CDK14: variants seen among roughly 807,000 people sequenced by gnomAD.
The protein encoded by CDK14 is cyclin dependent kinase 14.
In CDK14, 34 loss-of-function variants were observed where a neutral mutation model predicts 60.7. The ratio of observed to expected loss-of-function variants is 0.56; its 90% CI spans 0.43 to 0.75. The LOEUF is 0.75. Ranked by LOEUF, CDK14 falls within the 30% of genes least tolerant of loss-of-function variation. The pLI is 0.00. For missense variants in CDK14, 482 were observed against 564.1 expected, an observed-to-expected ratio of 0.85 and a Z score of 1.47; for synonymous variants, 197 against 203.7, an observed-to-expected ratio of 0.97 and a Z score of 0.28.
intron 2 of CDK14, among the ~76,000 whole-genome samples, chr7:90,665,979 C>T (rs1484884466): frequency 1.3e-5 from 2 of 152,164 alleles, no homozygotes; most frequent in Non-Finnish European, 2.9e-5. Context: ...CTGTTTAGTC[C>T]TTCAGTGGCC....
rs559114130 is a variant in CDK14, at chr7:90,788,002, C to T, written c.465-2571C>T. ...AGGCTGGTGTCCTTTCAGTGTGTTA[C>T]AAGGCAAACATAGTTTCATGCCTGA... On this transcript the variant is annotated intron_variant, in intron 4 of 14. Coordinates refer to ENST00000380050, the MANE Select transcript of CDK14 (RefSeq NM_001287135.2). Among the ~76,000 whole-genome samples the T allele has an allele frequency of 8.7e-4, 132 of 152,250 alleles. 1 individual carries two copies. Among genetic ancestry groups the T allele is most frequent in the African/African-American group, 3.1e-3 (129 of 41,544 alleles).
intron 1 of CDK14, among the ~76,000 whole-genome samples, 180 bp downstream of exon 1, chr7:90,596,898 C>T (rs921739192): frequency 6.6e-6 from 1 of 152,132 alleles, no homozygotes; most frequent in Non-Finnish European, 1.5e-5. Context: ...AGGAAAGAGA[C>T]CCCTCTTCCT....
intron 2 of CDK14, among the ~76,000 whole-genome samples, chr7:90,657,994 T>C (rs1256098120): frequency 6.6e-6 from 1 of 152,204 alleles, no homozygotes; most frequent in Non-Finnish European, 1.5e-5. Context: ...AATTATTATG[T>C]TGAATGGCTC....
chr7:90,958,401 T>G (rs1794496398), intron 9 of CDK14, among the ~76,000 whole-genome samples: 1 of 152,180 alleles, frequency 6.6e-6, no homozygotes, highest in African/African-American at 2.4e-5. Context: ...TCATAAATTT[T>G]GTAACATCTT....
At chr7:90,969,939 T>C (rs1794870179) in intron 9 of CDK14, among the ~76,000 whole-genome samples, 1 of 151,214 alleles carries the variant, frequency 6.6e-6, no homozygotes. Flanking sequence ...GTCTTCATTA[T>C]CCATAGGAGT....
chr7:90,644,902 A>T (rs1343569400), intron 2 of CDK14, among the ~76,000 whole-genome samples: 1 of 152,246 alleles, frequency 6.6e-6, no homozygotes, highest in Non-Finnish European at 1.5e-5. Flanking sequence ...CAAGAAATTC[A>T]GTCGAATTTA....
At chr7:90,775,640 C>T (rs1435841685) in intron 4 of CDK14, among the ~76,000 whole-genome samples, 1 of 88,176 alleles carries the variant, frequency 1.1e-5, no homozygotes, top group African/African-American at 3.9e-5. Context: ...TCCCCCTTCC[C>T]CTCCCCCTTC....
At chr7:90,678,279 G>A (rs1049594728) in intron 2 of CDK14, among the ~76,000 whole-genome samples, 2 of 152,212 alleles carry the variant, frequency 1.3e-5, no homozygotes, top group African/African-American at 4.8e-5. Context: ...GAGAGTGGAA[G>A]TGCTTTATCT....
At chr7:91,059,919 G>C (rs1797724139) in intron 11 of CDK14, among the ~76,000 whole-genome samples, 1 of 152,218 alleles carries the variant, frequency 6.6e-6, no homozygotes, top group Non-Finnish European at 1.5e-5. Context: ...TGTCTATTAG[G>C]TCTGCTTGGT....
At chr7:90,809,445 C>G (rs927006155) in intron 5 of CDK14, among the ~76,000 whole-genome samples, 4 of 151,836 alleles carry the variant, frequency 2.6e-5, no homozygotes, top group African/African-American at 7.3e-5. Context: ...CACTACATAC[C>G]AAAATCTCTG....
At chr7:90,671,097 C>A (rs1468391237) in intron 2 of CDK14, among the ~76,000 whole-genome samples, 1 of 152,086 alleles carries the variant, frequency 6.6e-6, no homozygotes, top group Non-Finnish European at 1.5e-5. Flanking sequence ...CCCGGCTCTC[C>A]TGGAATGGCT....
chr7:90,719,701 C>A (rs1165080744), intron 2 of CDK14, among the ~76,000 whole-genome samples: 3 of 152,104 alleles, frequency 2.0e-5, no homozygotes, highest in Admixed American at 6.6e-5. Flanking sequence ...ATTCTAGCTT[C>A]TATTGAATTT....
intron 2 of CDK14, among the ~76,000 whole-genome samples, chr7:90,689,487 A>G (rs1466772540): frequency 1.3e-5 from 2 of 152,158 alleles, no homozygotes; most frequent in African/African-American, 4.8e-5. Context: ...GCATGAATGA[A>G]TGAAAATGAA....
At chr7:90,636,328 A>G (rs903391187) in intron 2 of CDK14, among the ~76,000 whole-genome samples, 1 of 152,220 alleles carries the variant, frequency 6.6e-6, no homozygotes, top group Admixed American at 6.5e-5. Flanking sequence ...TGATTTATTG[A>G]GAGTTTTTAG....
intron 14 of CDK14, among the ~76,000 whole-genome samples, chr7:91,204,834 C>G (rs1375597076): frequency 2.0e-5 from 3 of 151,924 alleles, no homozygotes; most frequent in African/African-American, 7.3e-5. Flanking sequence ...GTAGTCCCAG[C>G]TACTTGGGAG....
chr7:90,922,935 CT>C (rs1009826174), intron 8 of CDK14, among the ~76,000 whole-genome samples: 3 of 151,980 alleles, frequency 2.0e-5, no homozygotes, highest in African/African-American at 7.3e-5. Flanking sequence ...TATGCACAGC[CT>C]CCCCCACTAT....
intron 10 of CDK14, among the ~76,000 whole-genome samples, chr7:91,035,999 G>C (rs1021219685): frequency 6.6e-6 from 1 of 151,802 alleles, no homozygotes; most frequent in Non-Finnish European, 1.5e-5. Flanking sequence ...GCCTGCCACC[G>C]CACCCGGCTA....
At chr7:90,608,977 T>A (rs185396318) in intron 2 of CDK14, among the ~76,000 whole-genome samples, 1 of 151,960 alleles carries the variant, frequency 6.6e-6, no homozygotes, top group Admixed American at 6.5e-5. Flanking sequence ...CATGTCCCTC[T>A]TTGTTATTTT....
chr7:91,190,031 C>G (rs758727605), intron 14 of CDK14, among the ~76,000 whole-genome samples: 1 of 152,200 alleles, frequency 6.6e-6, no homozygotes, highest in Non-Finnish European at 1.5e-5. Context: ...AGAACAGATA[C>G]ATTGCAGTTT....
Sources: gnomAD v4.1 joint callset for allele counts (sites outside exome capture counted in the v4.1 genomes callset) on GRCh38, gnomAD v4.1.1 for gene constraint, MANE v1.5 for transcripts, NCBI Gene and HGNC (gene_info 2026-07-23, HGNC 2026-07-21) for gene names.